The following REG1B variants were observed in gnomAD, a reference collection of about 807,000 sequenced individuals.
REG1B encodes the protein lithostathine-1-beta.
In REG1B, 21 loss-of-function variants were observed where a neutral mutation model predicts 20.4. The observed-to-expected ratio is 1.03, with a 90% CI of 0.73 to 1.48. The LOEUF (loss-of-function observed/expected upper bound fraction) is 1.48, where lower values mean the gene tolerates loss of function less well. Ranked by LOEUF, REG1B falls within the 40% of genes most tolerant of loss-of-function variation. The pLI, the probability that REG1B is intolerant of heterozygous loss-of-function variation, is 0.00. For missense variants in REG1B, 247 were observed against 197.2 expected, an observed-to-expected ratio of 1.25 and a Z score of -1.51; for synonymous variants, 82 against 73.4, an observed-to-expected ratio of 1.12 and a Z score of -0.60.
At position 79,087,662 on chromosome 2, in the gene REG1B, T is replaced by C. The variant is rs1349720988; in HGVS notation, c.-46-4A>G. 3.2e-6 allele frequency: 5 copies of C among 1,577,592 alleles called. No individual in the cohort carries two copies. The South Asian group carries it at 4.5e-5, about 14-fold the overall frequency. ...TTAAGGAGCAAATCAGCAATCTCTG[T>C]AGGAGAACACAGGGAAGAGGGTTTG... is the stretch of plus-strand genomic sequence containing the variant. On this transcript the variant is annotated splice_polypyrimidine_tract_variant and splice_region_variant and intron_variant, in intron 1 of 5. Transcript: ENST00000305089.
In REG1B at chr2:79,087,652, G is replaced by A. The variant is rs200253381; in HGVS notation, c.-40C>T. The A allele has an allele frequency of 6.2e-7, 1 of 1,603,130 alleles. No homozygotes were observed. Among genetic ancestry groups the A allele is most frequent in the South Asian group, 1.1e-5 (1 of 90,480 alleles). ...AATCTCTTGCTTAAGGAGCAAATCA[G>A]CAATCTCTGTAGGAGAACACAGGGA... On this transcript the variant is annotated 5_prime_UTR_variant, in exon 2 of 6. Coordinates refer to ENST00000305089, the MANE Select transcript of REG1B (RefSeq NM_006507.4).
chr2:79,086,217 C>T (rs1672396630), intron 4 of REG1B, 150 bp downstream of exon 4: 2 of 819,936 alleles, frequency 2.4e-6, no homozygotes, highest in South Asian at 3.7e-5. Context: ...CACTGAACTT[C>T]ACAACTCATA....
rs752124712 is a variant in REG1B at position 79,085,566 on chromosome 2, G to A, written c.359C>T (p.Ser120Phe). Reference protein sequence around the residue: ...RWHWSSGSLVSYKSWDTGSPS... With the variant: ...RWHWSSGSLVFYKSWDTGSPS... The stretch of plus-strand genomic sequence containing the variant: ...GGATCCAGTGTCCCAGGACTTGTAG[G>A]AGACCAGGGACCCACTACTCCAGTG... The change falls in exon 5 of 6, where the codon TCC (serine) becomes TTC (phenylalanine). Residue 120 changes from serine (S) to phenylalanine (F), a missense_variant. Transcript: ENST00000305089. 2.5e-6 allele frequency: 4 copies of A among 1,613,718 alleles called. No homozygotes were observed. Among genetic ancestry groups the A allele is most frequent in the East Asian group, 2.2e-5 (1 of 44,850 alleles).
In REG1B at chr2:79,086,390, T is replaced by C; in HGVS notation, c.298A>G (p.Ile100Val). 6.2e-7 allele frequency: 1 copy of C among 1,614,040 alleles called. No individual in the cohort carries two copies. Among genetic ancestry groups the C allele is most frequent in the East Asian group, 2.2e-5 (1 of 44,872 alleles). ...ESSTDDSNVW[I>V]GLHDPKKNRR... ...ACCTTTTTTGGGTCATGGAGGCCAATCCAGACATTGCTGTCATCAGTGCTA... is the reference window on the plus strand; with the variant it reads ...ACCTTTTTTGGGTCATGGAGGCCAACCCAGACATTGCTGTCATCAGTGCTA... Residue 100 changes from isoleucine to valine, a missense_variant, in exon 4 of 6, where the codon ATT becomes GTT. Coordinates refer to ENST00000305089, the MANE Select transcript of REG1B (RefSeq NM_006507.4).
intron 2 of REG1B, chr2:79,087,194 G>A (rs1672412908): frequency 1.9e-6 from 1 of 532,408 alleles, no homozygotes; most frequent in Admixed American, 3.3e-5. Flanking sequence ...TGCCTTTAAA[G>A]ACCCAGGCTT....
chr2:79,085,247 T>C lies in REG1B; in HGVS notation c.470A>G (p.Lys157Arg). The stretch of plus-strand genomic sequence containing the variant: ...TTTGAACTTGCAAACAAAGGAGAAC[T>C]TCTTCTCACAAGATTCATCCTTCCA... ...KKWKDESCEK[K>R]FSFVCKFKN is the part of the protein sequence containing the mutation. Residue 157 changes from lysine to arginine, a missense_variant, in exon 6 of 6, where the codon AAG becomes AGG. Transcript: ENST00000305089. The C allele has an allele frequency of 1.2e-6, 2 of 1,613,518 alleles. No homozygotes were observed. Among genetic ancestry groups the C allele is most frequent in the Non-Finnish European group, 1.7e-6 (2 of 1,179,472 alleles).
In REG1B at chr2:79,085,515, C is replaced by A; in HGVS notation, c.410G>T (p.Cys137Phe). Residue 137 changes from cysteine (C) to phenylalanine (F), a missense_variant, in exon 5 of 6, where the codon TGT becomes TTT. Coordinates refer to ENST00000305089, the MANE Select transcript of REG1B (RefSeq NM_006507.4). Reference protein sequence around the residue: ...GSPSSANAGYCASLTSCSGFK... With the variant: ...GSPSSANAGYFASLTSCSGFK... ...ACCTGAGCATGAAGTCAGGCTTGCA[C>A]AGTAGCCAGCATTAGCACTGCTCGG... 1 of 1,613,638 alleles carries A rather than the reference C, an allele frequency of 6.2e-7. No homozygotes were observed. The highest frequency in any genetic ancestry group is 8.5e-7 in the Non-Finnish European group (1 of 1,179,608).
rs762848115 is a variant in REG1B at position 79,085,476 on chromosome 2, A to T, written c.433+16T>A. ...GAAGGAAATGGCAACAGGTGGATAG[A>T]TTGTCTGCCTCTCACCTGAGCATGA... On this transcript the variant is annotated intron_variant, in intron 5 of 5. Transcript: ENST00000305089. The T allele has an allele frequency of 1.9e-6, 3 of 1,593,426 alleles. No homozygotes were observed. The highest frequency in any genetic ancestry group is 2.6e-6 in the Non-Finnish European group (3 of 1,161,264).
At chr2:79,085,717 G>T in intron 4 of REG1B, 114 bp from the exon 5 acceptor site, 1 of 622,714 alleles carries the variant, frequency 1.6e-6, no homozygotes, top group Non-Finnish European at 2.8e-6. Context: ...AATAAACATT[G>T]TTGTCACCAT....
Position 79,086,448 on chromosome 2 carries a change from C to G in REG1B, c.240G>C (p.Glu80Asp), listed in dbSNP as rs148472360. ...GNLVSVLTQA[E>D]GAFVASLIKE... is the part of the protein sequence containing the mutation. ...TAATCAGTGAGGCCACGAAGGCACC[C>G]TCCGCCTGGGTGAGCACAGACACCA... The change falls in exon 4 of 6, where the codon GAG becomes GAC. Residue 80 changes from glutamate to aspartate, a missense_variant. Transcript: ENST00000305089. 167 of 1,614,064 alleles carry G rather than the reference C, an allele frequency of 1.0e-4. No individual in the cohort carries two copies. In the African/African-American group the frequency reaches 1.9e-3, roughly 18 times the overall value.
intron 5 of REG1B, 74 bp from the exon 6 acceptor site, chr2:79,085,357 A>T: frequency 7.3e-7 from 1 of 1,373,308 alleles, no homozygotes; most frequent in South Asian, 1.2e-5. Context: ...AGGACTCAGA[A>T]CAAAAAACTA....
rs1031128371 is a variant in REG1B at position 79,085,113 on chromosome 2, A to G, written c.*103T>C. ...TGAAGATCAGCGATGCAAACTCATT[A>G]GGGAGGAGATGGTCTGAACTGAGTT... On this transcript the variant is annotated 3_prime_UTR_variant, in exon 6 of 6. Transcript: ENST00000305089. 1.3e-6 allele frequency: 1 copy of G among 787,486 alleles called. No individual in the cohort carries two copies. The highest frequency in any genetic ancestry group is 2.2e-6 in the Non-Finnish European group (1 of 447,986). 48.8% of individuals were successfully genotyped at this position (787,486 alleles called of 1,614,324 possible).
chr2:79,086,144 G>C (rs769205880), intron 4 of REG1B: 9 of 535,730 alleles, frequency 1.7e-5, no homozygotes, highest in Non-Finnish European at 2.6e-5. Context: ...GACACAATGA[G>C]TGGGTGCATG....
At chr2:79,085,921 T>C (rs925791830) in intron 4 of REG1B, 9 of 269,294 alleles carry the variant, frequency 3.3e-5, no homozygotes, top group Non-Finnish European at 5.7e-5. Flanking sequence ...ACATTGGCTG[T>C]AGAGTAGTCG....
chr2:79,085,667 T>C, intron 4 of REG1B, 64 bp from the exon 5 acceptor site: 1 of 1,043,896 alleles, frequency 9.6e-7, no homozygotes, highest in Admixed American at 2.1e-5. Flanking sequence ...TAACCAGGCC[T>C]GTGTGCACAC....
Position 79,085,023 on chromosome 2 carries a change from C to T in REG1B, c.*193G>A, listed in dbSNP as rs1048446244. 2 of 579,404 alleles carry T rather than the reference C, an allele frequency of 3.5e-6. No individual in the cohort carries two copies. The highest frequency in any genetic ancestry group is 1.9e-5 in the African/African-American group (1 of 53,328). The allele number at this position is 579,404 out of a possible 1,614,324, so 35.9% of individuals were successfully genotyped here. A position where few individuals can be genotyped will look rare whatever the true frequency, so the allele number is the denominator to read the frequency against. ...GAAAGAGCAAATGCAGAAGACAGAA[C>T]ACTGGATAAAAATAAGTTTGTTTTT... On this transcript the variant is annotated 3_prime_UTR_variant, in exon 6 of 6. Coordinates refer to ENST00000305089, the MANE Select transcript of REG1B (RefSeq NM_006507.4).
Position 79,085,248 on chromosome 2 carries a change from T to C in REG1B, c.469A>G (p.Lys157Glu). ...TTGAACTTGCAAACAAAGGAGAACTTCTTCTCACAAGATTCATCCTTCCAT... is the reference window on the plus strand; with the variant it reads ...TTGAACTTGCAAACAAAGGAGAACTCCTTCTCACAAGATTCATCCTTCCAT... ...KKWKDESCEKKFSFVCKFKN is the reference protein window; with the variant it reads ...KKWKDESCEKEFSFVCKFKN Residue 157 changes from lysine to glutamate, a missense_variant, in exon 6 of 6, where the codon AAG becomes GAG. Physicochemically the swap from Lys to Glu is moderately conservative, Grantham distance 56. Transcript: ENST00000305089. 4.3e-6 allele frequency: 7 copies of C among 1,613,468 alleles called. No individual in the cohort carries two copies. The highest frequency in any genetic ancestry group is 5.9e-6 in the Non-Finnish European group (7 of 1,179,452).
In REG1B at chr2:79,085,513, C is replaced by T; in HGVS notation, c.412G>A (p.Ala138Thr). 6.2e-7 allele frequency: 1 copy of T among 1,613,692 alleles called. No homozygotes were observed. Among genetic ancestry groups the T allele is most frequent in the Non-Finnish European group, 8.5e-7 (1 of 1,179,704 alleles). ...SPSSANAGYC[A>T]SLTSCSGFKK... is the part of the protein sequence containing the mutation. ...TCACCTGAGCATGAAGTCAGGCTTG[C>T]ACAGTAGCCAGCATTAGCACTGCTC... Residue 138 changes from alanine (A) to threonine (T), a missense_variant, in exon 5 of 6, where the codon GCA becomes ACA. Ala to Thr is a moderately conservative substitution (Grantham distance 58, BLOSUM62 0). Transcript: ENST00000305089.
chr2:79,086,713 G>T (rs750396289), intron 3 of REG1B, 99 bp downstream of exon 3: 2 of 1,335,148 alleles, frequency 1.5e-6, no homozygotes, highest in Non-Finnish European at 2.2e-6. Context: ...AATAGGGAAG[G>T]GATCAATCTT....
Sources: allele counts gnomAD v4.1 joint callset, GRCh38; gene constraint gnomAD v4.1.1; transcripts MANE v1.5; gene names NCBI Gene and HGNC (gene_info 2026-07-23, HGNC 2026-07-21).